Variants in AS3MT observed in about 807,000 individuals in gnomAD.
AS3MT encodes arsenite methyltransferase, also known as S-adenosyl-L-methionine:arsenic(III) methyltransferase.
A neutral mutation model predicts 45.3 loss-of-function variants in AS3MT; 47 were observed. The observed-to-expected ratio is 1.04, with a 90% CI of 0.82 to 1.32. AS3MT has a LOEUF of 1.32. Among genes scored for constraint, AS3MT ranks in the 40% most tolerant of loss-of-function variants. The pLI is 0.00. For missense variants in AS3MT, 396 were observed against 451.1 expected, an observed-to-expected ratio of 0.88 and a Z score of 1.11; for synonymous variants, 141 against 152.8, an observed-to-expected ratio of 0.92 and a Z score of 0.57.
intron 9 of AS3MT, chr10:102,887,878 C>T (rs1333496132): frequency 6.5e-6 from 1 of 152,672 alleles, no homozygotes; most frequent in East Asian, 1.9e-4. Context: ...CCAGGTTAAT[C>T]TGGAATTAAC....
chr10:102,880,152 G>C (rs1031735998), intron 9 of AS3MT, among the ~76,000 whole-genome samples: 8 of 152,156 alleles, frequency 5.3e-5, no homozygotes, highest in Non-Finnish European at 1.2e-4. Context: ...TTGTGTCAAG[G>C]AATTAAGAAA....
intron 6 of AS3MT, 144 bp from the exon 7 acceptor site, chr10:102,876,810 C>A: frequency 1.3e-6 from 1 of 752,260 alleles, no homozygotes; most frequent in Non-Finnish European, 2.2e-6. Flanking sequence ...ACTAAAGAGG[C>A]AGCTGCTATT....
chr10:102,883,105 GTTT>G (rs199951226), intron 9 of AS3MT, among the ~76,000 whole-genome samples: 1 of 140,218 alleles, frequency 7.1e-6, no homozygotes, highest in Non-Finnish European at 1.5e-5. Flanking sequence ...TATATATATG[GTTT>G]TTTTTTTTTT....
At chr10:102,878,721 C>T (rs950169879) in intron 8 of AS3MT, 128 bp from the exon 9 acceptor site, 8 of 1,353,436 alleles carry the variant, frequency 5.9e-6, no homozygotes, top group Non-Finnish European at 7.0e-6. Context: ...GAGTGAAGTG[C>T]TCAGAAAGAT....
At chr10:102,886,080 A>G (rs747827648) in intron 9 of AS3MT, among the ~76,000 whole-genome samples, 42 of 151,996 alleles carry the variant, frequency 2.8e-4, no homozygotes, top group Non-Finnish European at 3.5e-4. Context: ...TTAGCTAAAG[A>G]TTTATTTTAT....
chr10:102,874,683 A>G, intron 6 of AS3MT, 22 bp downstream of exon 6: 5 of 1,562,166 alleles, frequency 3.2e-6, no homozygotes, highest in Non-Finnish European at 4.4e-6. Context: ...AGTGAGATAA[A>G]TTATCTTTGA....
At position 102,870,133 on chromosome 10, in the gene AS3MT, G is replaced by T. The variant is rs1173046166; in HGVS notation, c.92G>T (p.Gly31Val). Residue 31 changes from glycine (G) to valine (V), a missense_variant, in exon 3 of 11, where the codon GGC (glycine) becomes GTC (valine). Gly to Val is a moderately radical substitution (Grantham distance 109, BLOSUM62 -3). Transcript: ENST00000369880. ...AGATCGGCAGACCTCCAGACCAACG[G>T]CTGTGTCACCACAGCCAGGCCGGTC... Reference protein sequence around the residue: ...LKRSADLQTNGCVTTARPVPK... With the variant: ...LKRSADLQTNVCVTTARPVPK... The T allele has an allele frequency of 2.5e-6, 4 of 1,614,146 alleles. No homozygotes were observed. The highest frequency in any genetic ancestry group is 3.4e-6 in the Non-Finnish European group (4 of 1,180,026).
intron 9 of AS3MT, among the ~76,000 whole-genome samples, chr10:102,890,266 T>A (rs1845047816): frequency 6.6e-6 from 1 of 152,004 alleles, no homozygotes; most frequent in Non-Finnish European, 1.5e-5. Context: ...CCTCCCAGAG[T>A]GCTGGGATTA....
At chr10:102,896,441 C>A (rs1020750561) in intron 10 of AS3MT, among the ~76,000 whole-genome samples, 2 of 151,850 alleles carry the variant, frequency 1.3e-5, no homozygotes, top group African/African-American at 4.8e-5. Context: ...ATCCTGGACC[C>A]CAAAACCTGG....
chr10:102,900,375 A>G (rs999209724), intron 10 of AS3MT, among the ~76,000 whole-genome samples: 3 of 152,250 alleles, frequency 2.0e-5, no homozygotes, highest in African/African-American at 7.2e-5. Flanking sequence ...ATCTTTAAGA[A>G]GCTTTAAGTG....
At chr10:102,886,541 G>A (rs1017637578) in intron 9 of AS3MT, among the ~76,000 whole-genome samples, 1 of 151,886 alleles carries the variant, frequency 6.6e-6, no homozygotes, top group African/African-American at 2.4e-5. Flanking sequence ...TGGCCAGGCT[G>A]GTCTTGAACT....
At chr10:102,871,578 A>G (rs1217975047) in intron 3 of AS3MT, among the ~76,000 whole-genome samples, 1 of 136,630 alleles carries the variant, frequency 7.3e-6, no homozygotes, top group Non-Finnish European at 1.6e-5. Flanking sequence ...AAAAAAAAAA[A>G]TTAGCCAGGA....
In AS3MT at chr10:102,874,034, C is replaced by CA. The variant is rs557897703; in HGVS notation, c.459-557dup. Among the ~76,000 whole-genome samples the CA allele has an allele frequency of 6.6e-5, 10 of 152,194 alleles. 1 individual carries two copies. The South Asian group carries it at 2.1e-3, about 32-fold the overall frequency. ...TTTTGGGAGGCCGAGGCAGGTGGATCACGAGGTCAGGAATTCCAGACCAGC... is the reference window on the plus strand; with the variant it reads ...TTTTGGGAGGCCGAGGCAGGTGGATCAACGAGGTCAGGAATTCCAGACCAGC... On this transcript the variant is annotated intron_variant, in intron 5 of 10. Transcript: ENST00000369880.
chr10:102,869,678 G>T (rs1844642496), intron 1 of AS3MT, 85 bp downstream of exon 1: 1 of 1,368,212 alleles, frequency 7.3e-7, no homozygotes, highest in Admixed American at 2.0e-5. Context: ...CGCCTCCCCC[G>T]AGCTGTGTCT....
In AS3MT at chr10:102,878,446, C is replaced by T. The variant is rs550451716; in HGVS notation, c.678C>T (p.Cys226=). ...TCCTTGCTCAAAAAATTGGGTTCTG[C>T]CCTCCACGTTTGGTCACTGCCAATC... ...LAVLAQKIGF[C]PPRLVTANLI... Residue 226 remains cysteine, a synonymous_variant, in exon 8 of 11, where the codon TGC becomes TGT. Transcript: ENST00000369880. 8.4e-5 allele frequency: 136 copies of T among 1,613,960 alleles called. 3 individuals are homozygous for T. The South Asian group carries it at 1.4e-3, about 16-fold the overall frequency.
chr10:102,872,353 C>CGGAG (rs371877430), intron 3 of AS3MT, 95 bp from the exon 4 acceptor site: 16 of 1,289,872 alleles, frequency 1.2e-5, no homozygotes, highest in Admixed American at 2.1e-5. Flanking sequence ...AAGGAAGGAA[C>CGGAG]GGAGGGAGGG....
chr10:102,884,926 A>C (rs1031874074), intron 9 of AS3MT, among the ~76,000 whole-genome samples: 1 of 152,222 alleles, frequency 6.6e-6, no homozygotes, highest in African/African-American at 2.4e-5. Flanking sequence ...TAATTTGTAC[A>C]GATCAAGTCA....
At chr10:102,885,415 G>A (rs1242507644) in intron 9 of AS3MT, among the ~76,000 whole-genome samples, 4 of 149,938 alleles carry the variant, frequency 2.7e-5, no homozygotes, top group Non-Finnish European at 4.4e-5. Flanking sequence ...TGAAACCTCC[G>A]GCTGCCAGGT....
intron 9 of AS3MT, among the ~76,000 whole-genome samples, chr10:102,889,613 T>TGCCTGCCC (rs1316912036): frequency 8.6e-5 from 8 of 92,774 alleles, no homozygotes; most frequent in African/African-American, 2.8e-4. Context: ...CCTGTCTGCC[T>TGCCTGCCC]GCCTTCCTTC....
Sources: allele counts gnomAD v4.1 joint callset (sites outside exome capture counted in the v4.1 genomes callset), GRCh38; gene constraint gnomAD v4.1.1; transcripts MANE v1.5; gene names NCBI Gene and HGNC (gene_info 2026-07-23, HGNC 2026-07-21).